Variants in GALNT2 observed in about 807,000 individuals in gnomAD.
The protein encoded by GALNT2 is UDP-GalNAc:polypeptide N-acetylgalactosaminyltransferase 2.
In GALNT2, 31 loss-of-function variants were observed where a neutral mutation model predicts 81.4. The observed-to-expected ratio is 0.38, with a 90% CI of 0.29 to 0.51. The LOEUF (loss-of-function observed/expected upper bound fraction) is 0.51, where lower values mean the gene tolerates loss of function less well. Among genes scored for constraint, GALNT2 ranks in the 20% least tolerant of loss-of-function variants. The pLI is 0.87. For missense variants in GALNT2, 629 were observed against 765.7 expected (o/e 0.82, Z 2.11); for synonymous variants, 303 against 287.4 (o/e 1.05, Z -0.55).
At chr1:230,227,552 A>C (rs1294372020) in intron 3 of GALNT2, among the ~76,000 whole-genome samples, 3 of 150,380 alleles carry the variant, frequency 2.0e-5, no homozygotes, top group Non-Finnish European at 4.4e-5. Flanking sequence ...TATATGCTAT[A>C]TAATACAGCC....
intron 7 of GALNT2, among the ~76,000 whole-genome samples, chr1:230,244,561 G>T (rs1665307077): frequency 7.5e-6 from 1 of 133,888 alleles, no homozygotes; most frequent in Non-Finnish European, 1.5e-5. Flanking sequence ...AACCAAAACT[G>T]CCATGGCAGT....
intron 1 of GALNT2, among the ~76,000 whole-genome samples, chr1:230,071,315 G>A (rs1267578155): frequency 2.0e-5 from 3 of 152,166 alleles, no homozygotes; most frequent in African/African-American, 7.2e-5. Flanking sequence ...AAGTTGTCCA[G>A]ACACCATGCC....
At chr1:230,145,681 G>C (rs1276574255) in intron 1 of GALNT2, among the ~76,000 whole-genome samples, 1 of 152,236 alleles carries the variant, frequency 6.6e-6, no homozygotes, top group Admixed American at 6.5e-5. Flanking sequence ...TGGGGGCCTT[G>C]CCCCGTGTGG....
chr1:230,213,857 T>G (rs1308992963), intron 3 of GALNT2, among the ~76,000 whole-genome samples: 1 of 152,240 alleles, frequency 6.6e-6, no homozygotes, highest in Non-Finnish European at 1.5e-5. Flanking sequence ...TCCACTTACC[T>G]TCAGCCCTTT....
intron 1 of GALNT2, among the ~76,000 whole-genome samples, chr1:230,126,556 C>T (rs1661187831): frequency 2.0e-5 from 3 of 152,154 alleles, no homozygotes; most frequent in South Asian, 2.1e-4. Context: ...CATCCTGCCT[C>T]GCGGGTAGAA....
intron 1 of GALNT2, among the ~76,000 whole-genome samples, chr1:230,128,248 C>T (rs984224985): frequency 2.8e-4 from 31 of 112,294 alleles, no homozygotes; most frequent in African/African-American, 9.0e-4. Context: ...AATGCAAGTG[C>T]GCTGGAGAAT....
chr1:230,159,657 T>G (rs1662369877), intron 1 of GALNT2, among the ~76,000 whole-genome samples: 1 of 152,200 alleles, frequency 6.6e-6, no homozygotes, highest in Non-Finnish European at 1.5e-5. Context: ...CCCCGAGCCG[T>G]TGTGGTTCCC....
chr1:230,278,612 T>C (rs1666357987), intron 15 of GALNT2, among the ~76,000 whole-genome samples: 1 of 152,130 alleles, frequency 6.6e-6, no homozygotes, highest in Non-Finnish European at 1.5e-5. Context: ...TGTTCAGAAC[T>C]CAGCAAACAT....
chr1:230,101,501 T>G (rs1283788738), intron 1 of GALNT2, among the ~76,000 whole-genome samples: 2 of 152,224 alleles, frequency 1.3e-5, no homozygotes, highest in Admixed American at 6.5e-5. Context: ...CTGAAATTCT[T>G]AAGCCTGCTG....
chr1:230,068,809 C>G (rs1225656889), intron 1 of GALNT2, among the ~76,000 whole-genome samples: 3 of 152,164 alleles, frequency 2.0e-5, no homozygotes, highest in Non-Finnish European at 4.4e-5. Context: ...TCTGAGCTGA[C>G]ATTGTACTCT....
chr1:230,220,464 C>G (rs539337117), intron 3 of GALNT2, among the ~76,000 whole-genome samples: 4 of 151,906 alleles, frequency 2.6e-5, no homozygotes, highest in Admixed American at 1.3e-4. Flanking sequence ...TTGAAACTCC[C>G]GGGATGGTCT....
chr1:230,125,160 G>A (rs1050318629), intron 1 of GALNT2, among the ~76,000 whole-genome samples: 4 of 152,204 alleles, frequency 2.6e-5, no homozygotes, highest in African/African-American at 9.7e-5. Context: ...CTGCCAAAGA[G>A]GGCCAAGTGT....
intron 1 of GALNT2, among the ~76,000 whole-genome samples, chr1:230,084,688 C>T (rs1659848242): frequency 6.6e-6 from 1 of 152,188 alleles, no homozygotes; most frequent in African/African-American, 2.4e-5. Context: ...TCCCTGGCCC[C>T]TGGCTCCCTC....
chr1:230,122,043 C>T (rs191846718), intron 1 of GALNT2, among the ~76,000 whole-genome samples: 9 of 150,918 alleles, frequency 6.0e-5, no homozygotes, highest in African/African-American at 9.8e-5. Flanking sequence ...CTCAGCCTCC[C>T]GACTAGCTGG....
chr1:230,102,282 A>G (rs997502030), intron 1 of GALNT2, among the ~76,000 whole-genome samples: 4 of 152,224 alleles, frequency 2.6e-5, no homozygotes, highest in Non-Finnish European at 5.9e-5. Flanking sequence ...AGGGCCCGGC[A>G]TGCTGAGCGC....
intron 2 of GALNT2, among the ~76,000 whole-genome samples, chr1:230,188,608 T>G (rs1442600561): frequency 6.6e-6 from 1 of 152,240 alleles, no homozygotes; most frequent in Non-Finnish European, 1.5e-5. Flanking sequence ...AATCACCAAT[T>G]TTATTTTCTT....
Position 230,188,107 on chromosome 1 carries a change from A to G in GALNT2, c.220+9796A>G, listed in dbSNP as rs1052018026. Among the ~76,000 whole-genome samples, 5 of 152,284 alleles carry G rather than the reference A, an allele frequency of 3.3e-5. No individual in the cohort carries two copies. In the Middle Eastern group the frequency reaches 0.01, roughly 311 times the overall value. On this transcript the variant is annotated intron_variant, in intron 2 of 15. Coordinates refer to ENST00000366672, the MANE Select transcript of GALNT2 (RefSeq NM_004481.5). Reference sequence around the variant, plus strand: ...TATTTCCCTGCCTCCTGTTTGTATCATAAAGTGTATTTAAAATAAGCTATT... The same window carrying G: ...TATTTCCCTGCCTCCTGTTTGTATCGTAAAGTGTATTTAAAATAAGCTATT...
Position 230,236,093 on chromosome 1 carries a change from C to T in GALNT2, c.454C>T (p.Leu152=). 6.2e-7 allele frequency: 1 copy of T among 1,614,050 alleles called. No homozygotes were observed. The highest frequency in any genetic ancestry group is 1.7e-5 in the Admixed American group (1 of 60,020). The change falls in exon 4 of 16, where the codon CTA becomes TTA. Residue 152 remains leucine (L), a synonymous_variant. Transcript: ENST00000366672. ...ITFHNEARSA[L]LRTVVSVLKK... ...GTTTCACAATGAAGCCAGGTCGGCC[C>T]TACTCAGGACCGTGGTCAGGTGAGG... is the stretch of plus-strand genomic sequence containing the variant.
chr1:230,182,195 G>T (rs12078347), intron 2 of GALNT2, among the ~76,000 whole-genome samples: 2,849 of 56,256 alleles, frequency 0.051, 118 homozygotes, highest in African/African-American at 0.25. Context: ...TTTTGTTTTT[G>T]TTTTTTTCTG....
Sources: allele counts gnomAD v4.1 joint callset (sites outside exome capture counted in the v4.1 genomes callset), GRCh38; gene constraint gnomAD v4.1.1; transcripts MANE v1.5; gene names NCBI Gene and HGNC (gene_info 2026-07-23, HGNC 2026-07-21).